Variants in BICDL1 observed in about 807,000 individuals in gnomAD.
BICDL1 encodes BICD family-like cargo adapter 1.
Under a neutral mutation model 76.8 loss-of-function variants are expected in BICDL1, and 20 were observed. The observed-to-expected ratio is 0.26, with a 90% confidence interval of 0.18 to 0.38. The LOEUF (loss-of-function observed/expected upper bound fraction) is 0.38, where lower values mean the gene tolerates loss of function less well. Ranked by LOEUF, BICDL1 falls within the 10% of genes least tolerant of loss-of-function variation. The pLI is 1.00. For missense variants in BICDL1, 700 were observed against 798.6 expected (o/e 0.88, Z 1.49); for synonymous variants, 383 against 337.1 (o/e 1.14, Z -1.49).
rs765820945 is a variant in BICDL1 at position 120,091,861 on chromosome 12, C to T, written c.1705-1139C>T. 34 of 985,372 alleles carry T rather than the reference C, an allele frequency of 3.5e-5. 1 individual carries two copies. Among genetic ancestry groups the T allele is most frequent in the South Asian group, 9.4e-5 (2 of 21,284 alleles). 61.0% of individuals were successfully genotyped at this position (985,372 alleles called of 1,614,324 possible). ...CCAGCCCAACTTCATGCCCTCATCT[C>T]GTCAGTGGCTGCTCGGAACCAAAGA... On this transcript the variant is annotated intron_variant, in intron 9 of 9. Coordinates refer to ENST00000548673, the MANE Select transcript of BICDL1 (RefSeq NM_001367886.1).
At chr12:120,010,643 AT>A (rs1951934440) in intron 2 of BICDL1, among the ~76,000 whole-genome samples, 1 of 152,216 alleles carries the variant, frequency 6.6e-6, no homozygotes, top group Non-Finnish European at 1.5e-5. Context: ...AATCTGGTGG[AT>A]TCCTGTCCCC....
chr12:120,080,753 C>T (rs1003452785), intron 7 of BICDL1, 134 bp from the exon 8 acceptor site: 22 of 811,188 alleles, frequency 2.7e-5, no homozygotes, highest in Middle Eastern at 7.7e-4. Context: ...AGCAGGATGG[C>T]AGTGGAATGC....
intron 2 of BICDL1, among the ~76,000 whole-genome samples, chr12:120,051,855 G>A (rs1449164596): frequency 1.3e-5 from 2 of 152,068 alleles, no homozygotes; most frequent in East Asian, 3.9e-4. Context: ...CCAGAATCCG[G>A]TTCAGGCTTC....
intron 3 of BICDL1, among the ~76,000 whole-genome samples, chr12:120,062,610 A>C (rs1953129556): frequency 6.6e-6 from 1 of 152,210 alleles, no homozygotes; most frequent in African/African-American, 2.4e-5. Flanking sequence ...GTCAGGCCAG[A>C]GAAACCCAGA....
At chr12:120,065,152 A>G (rs192202109) in intron 4 of BICDL1, among the ~76,000 whole-genome samples, 40 of 152,314 alleles carry the variant, frequency 2.6e-4, no homozygotes, top group Non-Finnish European at 5.0e-4. Context: ...GGTTCTTAAC[A>G]TGGCTGGAAC....
In BICDL1 at chr12:120,003,209, A is replaced by G. The variant is rs75488739; in HGVS notation, c.645+4473A>G. On this transcript the variant is annotated intron_variant, in intron 2 of 9. Coordinates refer to ENST00000548673, the MANE Select transcript of BICDL1 (RefSeq NM_001367886.1). Reference sequence around the variant, plus strand: ...TAGGGAAGGCTTCTGTGGGGAGACAACATCTGAGATGAGACCCCAAGGGTG... The same window carrying G: ...TAGGGAAGGCTTCTGTGGGGAGACAGCATCTGAGATGAGACCCCAAGGGTG... 8.2e-3 allele frequency among the ~76,000 whole-genome samples: 1,241 copies of G among 151,794 alleles called. 16 individuals are homozygous for G. Among genetic ancestry groups the G allele is most frequent in the African/African-American group, 0.028 (1,158 of 41,352 alleles).
At chr12:119,995,842 T>C (rs1021687656) in intron 1 of BICDL1, among the ~76,000 whole-genome samples, 5 of 151,734 alleles carry the variant, frequency 3.3e-5, no homozygotes, top group Non-Finnish European at 7.4e-5. Context: ...AAAAATTAGC[T>C]GGGCGTGGTG....
chr12:120,051,927 TTTGTTG>T (rs144679799), intron 2 of BICDL1, among the ~76,000 whole-genome samples: 4 of 151,534 alleles, frequency 2.6e-5, no homozygotes, highest in Non-Finnish European at 2.9e-5. Flanking sequence ...TTTCTCAGTC[TTTGTTG>T]TTGTTGTTGT....
intron 2 of BICDL1, among the ~76,000 whole-genome samples, chr12:120,041,526 G>A (rs1276934320): frequency 6.6e-6 from 1 of 152,186 alleles, no homozygotes; most frequent in Non-Finnish European, 1.5e-5. Context: ...TTACATCAAG[G>A]GCAGGGGGCG....
chr12:120,026,445 A>T (rs1952303937), intron 2 of BICDL1, among the ~76,000 whole-genome samples: 1 of 152,206 alleles, frequency 6.6e-6, no homozygotes, highest in African/African-American at 2.4e-5. Context: ...TCTAAAAAAA[A>T]ATAATATTGT....
intron 2 of BICDL1, among the ~76,000 whole-genome samples, chr12:120,050,912 A>C (rs1443420459): frequency 6.6e-6 from 1 of 151,920 alleles, no homozygotes; most frequent in Non-Finnish European, 1.5e-5. Flanking sequence ...GATTACAGAC[A>C]TGAGCCACTG....
chr12:120,058,362 C>G (rs1953026520), intron 2 of BICDL1, among the ~76,000 whole-genome samples: 1 of 152,082 alleles, frequency 6.6e-6, no homozygotes, highest in Non-Finnish European at 1.5e-5. Flanking sequence ...CATTTTATAC[C>G]AGCTGGACTA....
At chr12:119,990,523 C>T (rs1266353902) in intron 1 of BICDL1, among the ~76,000 whole-genome samples, 2 of 152,146 alleles carry the variant, frequency 1.3e-5, no homozygotes, top group Non-Finnish European at 2.9e-5. Flanking sequence ...GCTCCAGCCG[C>T]TGTGGGCCGT....
At chr12:120,011,787 A>G (rs1594111567) in intron 2 of BICDL1, among the ~76,000 whole-genome samples, 1 of 151,136 alleles carries the variant, frequency 6.6e-6, no homozygotes, top group East Asian at 2.0e-4. Context: ...ATAAAGTCCA[A>G]CAGCATTTCT....
intron 1 of BICDL1, chr12:119,993,444 T>C (rs898207652): frequency 6.6e-6 from 1 of 152,216 alleles, no homozygotes; most frequent in Non-Finnish European, 1.5e-5. Context: ...TATTAATATT[T>C]AAAGTCTTCA....
At chr12:120,027,038 T>C (rs1440620347) in intron 2 of BICDL1, among the ~76,000 whole-genome samples, 1 of 149,924 alleles carries the variant, frequency 6.7e-6, no homozygotes, top group Non-Finnish European at 1.5e-5. Context: ...TTTTTTTTTT[T>C]TTTTTTTTTT....
intron 2 of BICDL1, among the ~76,000 whole-genome samples, chr12:120,004,620 A>T (rs1177981229): frequency 2.0e-5 from 3 of 152,216 alleles, no homozygotes; most frequent in South Asian, 4.1e-4. Context: ...AAGATCCATT[A>T]TAGTTCAGGT....
chr12:120,080,336 T>C (rs1487182511), intron 7 of BICDL1, among the ~76,000 whole-genome samples: 1 of 152,148 alleles, frequency 6.6e-6, no homozygotes, highest in African/African-American at 2.4e-5. Flanking sequence ...GATGATAATG[T>C]CACTTAGGTG....
chr12:120,093,214 G>T lies in BICDL1; in HGVS notation c.*53G>T. On this transcript the variant is annotated 3_prime_UTR_variant, in exon 10 of 10. Transcript: ENST00000548673. ...GGGTGGACTGGAGGCAGCTGGAAAG[G>T]CGGTGCAGGCAAGGCCTCCCCTGCA... The T allele has an allele frequency of 2.6e-6, 4 of 1,547,604 alleles. No individual in the cohort carries two copies. The highest frequency in any genetic ancestry group is 3.5e-6 in the Non-Finnish European group (4 of 1,144,372).
Sources: gnomAD v4.1 joint callset for allele counts (sites outside exome capture counted in the v4.1 genomes callset) on GRCh38, gnomAD v4.1.1 for gene constraint, MANE v1.5 for transcripts, NCBI Gene and HGNC (gene_info 2026-07-23, HGNC 2026-07-21) for gene names.